Variants in KIAA0513 observed in about 807,000 individuals in gnomAD.
KIAA0513 encodes uncharacterized protein KIAA0513.
Under a neutral mutation model 56.5 loss-of-function variants are expected in KIAA0513, and 39 were observed. The ratio of observed to expected loss-of-function variants is 0.69; its 90% CI spans 0.53 to 0.90. KIAA0513 has a LOEUF of 0.90. Among genes scored for constraint, KIAA0513 ranks in the 40% least tolerant of loss-of-function variants. The pLI is 0.00. For synonymous variants in KIAA0513, 268 were observed against 215.6 expected (o/e 1.24, Z -2.13); for missense variants, 591 against 535.2 (o/e 1.10, Z -1.03).
intron 4 of KIAA0513, 125 bp downstream of exon 4, chr16:85,073,123 G>A (rs2144044572): frequency 2.4e-6 from 2 of 823,276 alleles, no homozygotes. Context: ...TCAGGTTGCA[G>A]TTGCTCTGCT....
At chr16:85,083,193 C>T (rs1282246752) in intron 10 of KIAA0513, among the ~76,000 whole-genome samples, 4 of 152,198 alleles carry the variant, frequency 2.6e-5, no homozygotes, top group South Asian at 2.1e-4. Flanking sequence ...CGAGGAAATC[C>T]GAGAATGGGG....
intron 1 of KIAA0513, among the ~76,000 whole-genome samples, chr16:85,052,844 CCT>C (rs2143932127): frequency 6.6e-6 from 1 of 152,264 alleles, no homozygotes; most frequent in Non-Finnish European, 1.5e-5. Context: ...CAGTGAGCTG[CCT>C]CTCAGTATCG....
chr16:85,077,025 C>T (rs928747729), intron 5 of KIAA0513, among the ~76,000 whole-genome samples: 1 of 150,950 alleles, frequency 6.6e-6, no homozygotes, highest in Admixed American at 6.6e-5. Context: ...CTCCTCCAGG[C>T]CCCCCCCCAA....
chr16:85,061,352 G>A (rs2073402179), intron 1 of KIAA0513, among the ~76,000 whole-genome samples: 1 of 152,162 alleles, frequency 6.6e-6, no homozygotes, highest in African/African-American at 2.4e-5. Flanking sequence ...TGAGGATGAC[G>A]TGGGGATCAG....
At chr16:85,065,808 G>A (rs1218078718) in intron 1 of KIAA0513, among the ~76,000 whole-genome samples, 1 of 152,166 alleles carries the variant, frequency 6.6e-6, no homozygotes, top group Non-Finnish European at 1.5e-5. Context: ...TACTGGTGAG[G>A]AAGGTTCCCC....
intron 1 of KIAA0513, among the ~76,000 whole-genome samples, chr16:85,041,945 T>C (rs2073109221): frequency 5.3e-5 from 8 of 152,212 alleles, no homozygotes; most frequent in Admixed American, 5.2e-4. Context: ...TTTGCCCCTA[T>C]GCTGCGCACT....
At chr16:85,030,605 G>T (rs1220506866) in intron 1 of KIAA0513, among the ~76,000 whole-genome samples, 1 of 151,954 alleles carries the variant, frequency 6.6e-6, no homozygotes, top group Admixed American at 6.6e-5. Context: ...AAATTAGCTG[G>T]GCATGGTGGC....
intron 1 of KIAA0513, among the ~76,000 whole-genome samples, chr16:85,052,967 T>G (rs1209057232): frequency 1.3e-5 from 2 of 152,168 alleles, no homozygotes; most frequent in Non-Finnish European, 1.5e-5. Flanking sequence ...CTCGGCTCAC[T>G]GCAACCTCCT....
chr16:85,061,515 G>A (rs900680661), intron 1 of KIAA0513, among the ~76,000 whole-genome samples: 1 of 152,190 alleles, frequency 6.6e-6, no homozygotes, highest in Non-Finnish European at 1.5e-5. Flanking sequence ...CTGAGGTTTT[G>A]CACACTCTGG....
intron 1 of KIAA0513, among the ~76,000 whole-genome samples, chr16:85,040,536 A>C (rs2073091777): frequency 6.6e-6 from 1 of 152,176 alleles, no homozygotes; most frequent in Non-Finnish European, 1.5e-5. Context: ...CCTCAAAAAA[A>C]AGAAACTCCA....
chr16:85,052,192 C>T (rs941709950), intron 1 of KIAA0513, among the ~76,000 whole-genome samples: 5 of 152,014 alleles, frequency 3.3e-5, no homozygotes, highest in Non-Finnish European at 7.4e-5. Context: ...TGGTGGCACA[C>T]GCCTGTAGTC....
chr16:85,036,061 C>A (rs1178321943), intron 1 of KIAA0513, among the ~76,000 whole-genome samples: 1 of 152,086 alleles, frequency 6.6e-6, no homozygotes, highest in Non-Finnish European at 1.5e-5. Context: ...GCAATCCTAC[C>A]GCCTTGGCCT....
chr16:85,080,797 AAAATAAAT>A (rs1307520796), intron 8 of KIAA0513, among the ~76,000 whole-genome samples: 1 of 152,244 alleles, frequency 6.6e-6, no homozygotes, highest in Non-Finnish European at 1.5e-5. Context: ...CCATCTCAAA[AAAATAAAT>A]AAATAAATAA....
intron 4 of KIAA0513, 126 bp from the exon 5 acceptor site, chr16:85,075,718 G>T: frequency 2.6e-6 from 2 of 757,854 alleles, no homozygotes; most frequent in Non-Finnish European, 2.3e-6. Flanking sequence ...AGATTGTTTT[G>T]TGCATCTCCA....
Position 85,078,974 on chromosome 16 carries a change from G to A in KIAA0513, c.873G>A (p.Leu291=), listed in dbSNP as rs201183914. 2 of 1,614,032 alleles carry A rather than the reference G, an allele frequency of 1.2e-6. No homozygotes were observed. Among genetic ancestry groups the A allele is most frequent in the Admixed American group, 1.7e-5 (1 of 60,004 alleles). ...AAAAGAAGGGGGAGAAGATCTACCT[G>A]TACACGCACCTGAAGCAACAGCCCA... ...EDEKKGEKIY[L]YTHLKQQPIW... is the part of the protein sequence containing the mutation. Residue 291 remains leucine (L), a synonymous_variant, in exon 8 of 13, where the codon CTG becomes CTA. Transcript: ENST00000683363.
chr16:85,035,395 C>T (rs190790933), intron 1 of KIAA0513, among the ~76,000 whole-genome samples: 84 of 152,316 alleles, frequency 5.5e-4, no homozygotes, highest in African/African-American at 1.9e-3. Flanking sequence ...CTGTGGGGAC[C>T]CTCCTCTCCC....
At chr16:85,068,647 A>G (rs188574450) in intron 2 of KIAA0513, among the ~76,000 whole-genome samples, 2 of 152,128 alleles carry the variant, frequency 1.3e-5, no homozygotes, top group Admixed American at 1.3e-4. Flanking sequence ...TTGTATTTTT[A>G]GTAGAGATGA....
rs1049293827 is a variant in KIAA0513, at chr16:85,093,223, G to A, written c.*4898G>A. The A allele has an allele frequency of 1.3e-5, 2 of 151,604 alleles. No individual in the cohort carries two copies. The highest frequency in any genetic ancestry group is 2.4e-5 in the African/African-American group (1 of 41,178). The allele number at this position is 151,604 out of a possible 1,614,324, so 9.4% of individuals were successfully genotyped here. A position where few individuals can be genotyped will look rare whatever the true frequency, so the allele number is the denominator to read the frequency against. On this transcript the variant is annotated 3_prime_UTR_variant, in exon 13 of 13. Transcript: ENST00000683363. ...TGTGCCTGGGGATGCACGTGGCCAC[G>A]GGATTTCAGTGGGACAGCGCTCCCA...
At chr16:85,059,296 C>A (rs1356608961) in intron 1 of KIAA0513, among the ~76,000 whole-genome samples, 1 of 152,216 alleles carries the variant, frequency 6.6e-6, no homozygotes, top group Non-Finnish European at 1.5e-5. Context: ...TTGATCTATG[C>A]TGTGGTGTCC....
Sources: gnomAD v4.1 joint callset for allele counts (sites outside exome capture counted in the v4.1 genomes callset) on GRCh38, gnomAD v4.1.1 for gene constraint, MANE v1.5 for transcripts, NCBI Gene and HGNC (gene_info 2026-07-23, HGNC 2026-07-21) for gene names.